The following XKR9 variants were observed in gnomAD, a reference collection of about 807,000 sequenced individuals.
XKR9 encodes the protein XK-related protein 9.
In XKR9, 32 loss-of-function variants were observed where a neutral mutation model predicts 32.0. The observed-to-expected ratio is 1.00, with a 90% CI of 0.76 to 1.34. The LOEUF (loss-of-function observed/expected upper bound fraction) is 1.34. Among genes scored for constraint, XKR9 ranks in the 40% most tolerant of loss-of-function variants. The pLI is 0.00. For synonymous variants in XKR9, 168 were observed against 143.4 expected, an observed-to-expected ratio of 1.17 and a Z score of -1.22; for missense variants, 546 against 429.7, an observed-to-expected ratio of 1.27 and a Z score of -2.39.
At chr8:70,849,116 T>G in the XKR9 span, among the ~76,000 whole-genome samples, 1 of 152,036 alleles carries the variant, frequency 6.6e-6, no homozygotes, top group Non-Finnish European at 1.5e-5. Context: ...AGTACAGAAC[T>G]CTCAACACAA....
chr8:71,004,793 T>G, the XKR9 span, among the ~76,000 whole-genome samples: 1 of 152,118 alleles, frequency 6.6e-6, no homozygotes, highest in East Asian at 1.9e-4. Context: ...GGAAAAACGG[T>G]ATCTATCATG....
intron 4 of XKR9, among the ~76,000 whole-genome samples, chr8:70,723,609 T>A (rs1041411877): frequency 3.9e-5 from 6 of 152,198 alleles, no homozygotes; most frequent in Non-Finnish European, 7.3e-5. Flanking sequence ...GGAGGTCCAG[T>A]CCAGACCCTG....
the XKR9 span, among the ~76,000 whole-genome samples, chr8:70,798,695 T>C: frequency 2.0e-5 from 3 of 152,206 alleles, no homozygotes; most frequent in African/African-American, 7.2e-5. Context: ...TACATTTACA[T>C]CTACAATCCT....
At chr8:71,007,461 G>A in the XKR9 span, among the ~76,000 whole-genome samples, 2 of 152,006 alleles carry the variant, frequency 1.3e-5, no homozygotes, top group African/African-American at 4.8e-5. Context: ...ACAATAAAAA[G>A]CAAAGTGAAT....
chr8:70,747,260 T>C (rs1358859092), intron 2 of XKR9, among the ~76,000 whole-genome samples: 6 of 152,212 alleles, frequency 3.9e-5, no homozygotes, highest in Admixed American at 3.9e-4. Context: ...TATTTTCCTT[T>C]GGATATATAC....
chr8:71,014,920 C>T, the XKR9 span, among the ~76,000 whole-genome samples: 598 of 152,200 alleles, frequency 3.9e-3, 6 homozygotes, highest in African/African-American at 0.013. Flanking sequence ...TGCCAGTTGC[C>T]GATAGGTCTC....
At chr8:70,866,558 T>C in the XKR9 span, among the ~76,000 whole-genome samples, 1 of 152,104 alleles carries the variant, frequency 6.6e-6, no homozygotes, top group Non-Finnish European at 1.5e-5. Context: ...AGTTCAGAGA[T>C]TGGTAGGAGT....
the XKR9 span, among the ~76,000 whole-genome samples, chr8:70,967,065 C>CCTTTTTTTTTTTTTTT: frequency 3.0e-5 from 3 of 101,292 alleles, no homozygotes; most frequent in African/African-American, 1.3e-4. Context: ...GATCTTGACT[C>CCTTTTTTTTTTTTTTT]TTTTTTTTTT....
rs139223919 is a variant in XKR9, at chr8:70,784,775, C to T, written n.353-4564C>T. ...AAGAATAGGCATCCTTGTCTTGTTCCAGATCTTAGAGGAAATGCTTTCAAT... is the reference window on the plus strand; with the variant it reads ...AAGAATAGGCATCCTTGTCTTGTTCTAGATCTTAGAGGAAATGCTTTCAAT... On this transcript the variant is annotated intron_variant and non_coding_transcript_variant, in intron 2 of 3. Transcript: ENST00000520273. Among the ~76,000 whole-genome samples, 809 of 152,116 alleles carry T rather than the reference C, an allele frequency of 5.3e-3. 8 individuals are homozygous for T. The highest frequency in any genetic ancestry group is 7.0e-3 in the Non-Finnish European group (476 of 67,984).
At chr8:70,672,873 C>T (rs1354124323) in intron 1 of XKR9, among the ~76,000 whole-genome samples, 2 of 152,050 alleles carry the variant, frequency 1.3e-5, no homozygotes, top group Non-Finnish European at 2.9e-5. Flanking sequence ...TTTTGAGAAT[C>T]GTCTATTCAT....
the XKR9 span, among the ~76,000 whole-genome samples, chr8:71,021,572 G>A: frequency 5.0e-5 from 7 of 139,210 alleles, no homozygotes; most frequent in Admixed American, 7.8e-5. Context: ...GCGCGATCTC[G>A]ACTCACTGCA....
chr8:70,703,249 A>G (rs1805602383), intron 3 of XKR9, among the ~76,000 whole-genome samples: 1 of 150,832 alleles, frequency 6.6e-6, no homozygotes, highest in Non-Finnish European at 1.5e-5. Flanking sequence ...TTTTTCTCCT[A>G]AAATTTTCCC....
chr8:70,884,845 G>A, the XKR9 span, among the ~76,000 whole-genome samples: 1 of 151,942 alleles, frequency 6.6e-6, no homozygotes, highest in African/African-American at 2.4e-5. Flanking sequence ...TTTTAATATC[G>A]TGTTAGCTAT....
rs1286223086 is a variant in XKR9, at chr8:70,735,798, A to AT, written c.*1380dup. 1 of 151,638 alleles carries AT rather than the reference A, an allele frequency of 6.6e-6. No homozygotes were observed. The highest frequency in any genetic ancestry group is 2.4e-5 in the African/African-American group (1 of 41,222). The allele number at this position is 151,638 out of a possible 1,614,324, so 9.4% of individuals were successfully genotyped here. On this transcript the variant is annotated 3_prime_UTR_variant, in exon 5 of 5. Transcript: ENST00000408926. ...TCCCTACAAAGGACATGAACTCATCATTTTTTATGGCTGCATAGTATTCCA... is the reference window on the plus strand; with the variant it reads ...TCCCTACAAAGGACATGAACTCATCATTTTTTTATGGCTGCATAGTATTCCA...
At chr8:70,792,896 A>C (rs1807782477), downstream of XKR9, among the ~76,000 whole-genome samples, 1 of 152,148 alleles carries the variant, frequency 6.6e-6, no homozygotes, top group African/African-American at 2.4e-5. Context: ...CTCATCGTAG[A>C]CTGAATCTAC....
At chr8:70,902,587 T>C in the XKR9 span, among the ~76,000 whole-genome samples, 12,742 of 152,158 alleles carry the variant, frequency 0.084, 611 homozygotes, top group African/African-American at 0.097. Flanking sequence ...TATACAATCA[T>C]GTCATTTGCA....
In XKR9 at chr8:70,696,651, G is replaced by A. The variant is rs1403206891; in HGVS notation, c.273-10282G>A. ...AGCTTTGTTCTTTTGGCTTAGGATT[G>A]ACTCGGCGATGCGGGCTCTTTCTTG... On this transcript the variant is annotated intron_variant, in intron 3 of 4. Coordinates refer to ENST00000408926, the MANE Select transcript of XKR9 (RefSeq NM_001011720.2). 2.2e-4 allele frequency among the ~76,000 whole-genome samples: 32 copies of A among 143,580 alleles called. 2 individuals are homozygous for A. Among genetic ancestry groups the A allele is most frequent in the African/African-American group, 7.8e-4 (31 of 39,608 alleles). 94.2% of individuals were successfully genotyped at this position (143,580 alleles called of 152,430 possible). A position where few individuals can be genotyped will look rare whatever the true frequency, so the allele number is the denominator to read the frequency against.
At chr8:70,940,103 C>T in the XKR9 span, among the ~76,000 whole-genome samples, 115 of 151,802 alleles carry the variant, frequency 7.6e-4, no homozygotes, top group Middle Eastern at 3.4e-3. Flanking sequence ...AAGGAGGCAC[C>T]CTAGGTTCTG....
intron 3 of XKR9, among the ~76,000 whole-genome samples, chr8:70,699,330 C>A (rs1805421733): frequency 2.0e-5 from 3 of 152,224 alleles, no homozygotes; most frequent in African/African-American, 7.2e-5. Context: ...CCGGTTGTTC[C>A]TTTCCATGTT....
Sources: allele counts gnomAD v4.1 joint callset (sites outside exome capture counted in the v4.1 genomes callset), GRCh38; gene constraint gnomAD v4.1.1; transcripts MANE v1.5; gene names NCBI Gene and HGNC (gene_info 2026-07-23, HGNC 2026-07-21).